AMT: variants seen among roughly 807,000 people sequenced by gnomAD.
The protein encoded by AMT is aminomethyltransferase, mitochondrial.
AMT carries 24 observed loss-of-function variants against 39.5 expected under a neutral mutation model. The observed-to-expected ratio is 0.61, with a 90% CI of 0.44 to 0.86. AMT has a LOEUF of 0.86. Ranked by LOEUF, AMT falls within the 40% of genes least tolerant of loss-of-function variation. The pLI is 0.00. For synonymous variants in AMT, 210 were observed against 212.1 expected, an observed-to-expected ratio of 0.99 and a Z score of 0.09; for missense variants, 501 against 537.0, an observed-to-expected ratio of 0.93 and a Z score of 0.66.
Position 49,417,107 on chromosome 3 carries a change from G to T in AMT, c.*433C>A, listed in dbSNP as rs772136541. 2 of 731,920 alleles carry T rather than the reference G, an allele frequency of 2.7e-6. No individual in the cohort carries two copies. Among genetic ancestry groups the T allele is most frequent in the Non-Finnish European group, 4.8e-6 (2 of 417,418 alleles). 45.3% of individuals were successfully genotyped at this position (731,920 alleles called of 1,614,324 possible). On this transcript the variant is annotated 3_prime_UTR_variant, in exon 9 of 9. Coordinates refer to ENST00000273588, the MANE Select transcript of AMT (RefSeq NM_000481.4). Reference sequence around the variant, plus strand: ...TTGCATTTACGGAAAGCAAACTGGAGGGGGTAGCCTAAGTCCGCACTGCCC... The same window carrying T: ...TTGCATTTACGGAAAGCAAACTGGATGGGGTAGCCTAAGTCCGCACTGCCC...
At chr3:49,418,849 G>T in intron 7 of AMT, 122 bp downstream of exon 7, 1 of 1,095,508 alleles carries the variant, frequency 9.1e-7, no homozygotes, top group East Asian at 2.5e-5. Context: ...GGCACCTTCA[G>T]GGAAGGGAGG....
intron 3 of AMT, 145 bp from the exon 4 acceptor site, chr3:49,420,487 G>T (rs1191937106): frequency 1.6e-6 from 2 of 1,243,136 alleles, no homozygotes; most frequent in Non-Finnish European, 1.2e-6. Flanking sequence ...TACAAGTCTG[G>T]GCCCAAGTCC....
Position 49,419,344 on chromosome 3 carries a change from G to A in AMT, c.612C>T (p.Phe204=), listed in dbSNP as rs973966471. The A allele has an allele frequency of 1.9e-6, 3 of 1,614,102 alleles. No individual in the cohort carries two copies. In the African/African-American group the frequency reaches 4.0e-5, roughly 22 times the overall value. Residue 204 remains phenylalanine, a synonymous_variant, in exon 6 of 9, where the codon TTC becomes TTT. Transcript: ENST00000273588. The part of the protein sequence containing the change: ...GVADDLRKLP[F]MTSAVMEVFG... ...ACACCTCCATCACAGCACTGGTCAT[G>A]AAGGGCAGTTTCCTCAGGTCATCTG...
Position 49,420,297 on chromosome 3 carries a change from C to A in AMT, c.385G>T (p.Asp129Tyr). ...TCAGAAGTATTGGTTACAATCAAGT[C>A]ATCTAAGATGCCTCCAGCCTCGTTG... ...FTNEAGGILD[D>Y]LIVTNTSEGH... Residue 129 changes from aspartate (D) to tyrosine (Y), a missense_variant, in exon 4 of 9, where the codon GAC becomes TAC. Asp to Tyr is a radical substitution (Grantham distance 160). Coordinates refer to ENST00000273588, the MANE Select transcript of AMT (RefSeq NM_000481.4). 3 of 1,614,202 alleles carry A rather than the reference C, an allele frequency of 1.9e-6. No individual in the cohort carries two copies. Among genetic ancestry groups the A allele is most frequent in the Non-Finnish European group, 2.5e-6 (3 of 1,180,034 alleles).
At chr3:49,418,104 T>A (rs2049031009) in intron 7 of AMT, 131 bp from the exon 8 acceptor site, 2 of 1,231,448 alleles carry the variant, frequency 1.6e-6, no homozygotes, top group African/African-American at 3.0e-5. Context: ...CAGGCTCTAT[T>A]CCTCCCTTCA....
At chr3:49,417,783 A>G (rs2049024258) in intron 8 of AMT, 35 bp downstream of exon 8, 2 of 1,613,894 alleles carry the variant, frequency 1.2e-6, no homozygotes, top group South Asian at 1.1e-5. Flanking sequence ...TCCTGGGAAG[A>G]GACAAGGGTT....
At chr3:49,421,065 C>T (rs1275332964) in intron 3 of AMT, 5 of 274,416 alleles carry the variant, frequency 1.8e-5, no homozygotes, top group Non-Finnish European at 2.9e-5. Flanking sequence ...CCACCACGCC[C>T]GGCTAATTTT....
chr3:49,421,861 C>T (rs994901642), intron 2 of AMT: 5 of 715,718 alleles, frequency 7.0e-6, no homozygotes, highest in African/African-American at 3.5e-5. Context: ...GGTGTCAGCC[C>T]TGGAAAACCC....
chr3:49,419,907 A>G, intron 4 of AMT, 119 bp from the exon 5 acceptor site: 2 of 1,028,368 alleles, frequency 1.9e-6, no homozygotes, highest in Non-Finnish European at 1.5e-6. Flanking sequence ...GGGAGGAAAA[A>G]AAAAGGTAGT....
At position 49,420,314 on chromosome 3, in the gene AMT, G is replaced by A; in HGVS notation, c.368C>T (p.Ala123Val). 1 of 1,614,160 alleles carries A rather than the reference G, an allele frequency of 6.2e-7. No individual in the cohort carries two copies. Among genetic ancestry groups the A allele is most frequent in the South Asian group, 1.1e-5 (1 of 91,088 alleles). Residue 123 changes from alanine to valine, a missense_variant, in exon 4 of 9, where the codon GCT (alanine) becomes GTT (valine). Physicochemically the swap from Ala to Val is moderately conservative, Grantham distance 64. Coordinates refer to ENST00000273588, the MANE Select transcript of AMT (RefSeq NM_000481.4). ...AATCAAGTCATCTAAGATGCCTCCA[G>A]CCTCGTTGGTAAACAGCGACAGTGT... ...QGTLSLFTNEAGGILDDLIVT... is the reference protein window; with the variant it reads ...QGTLSLFTNEVGGILDDLIVT...
At position 49,422,455 on chromosome 3, in the gene AMT, G is replaced by A. The variant is rs758088553; in HGVS notation, c.-5C>T. Reference sequence around the variant, plus strand: ...CACACTTACAGCCCTCTGCATCGTCGCCTGCAACGAGTGCAGACGGCGCAC... The same window carrying A: ...CACACTTACAGCCCTCTGCATCGTCACCTGCAACGAGTGCAGACGGCGCAC... On this transcript the variant is annotated 5_prime_UTR_variant, in exon 1 of 9. Transcript: ENST00000273588. 13 of 1,612,412 alleles carry A rather than the reference G, an allele frequency of 8.1e-6. No homozygotes were observed. In the East Asian group the frequency reaches 1.6e-4, roughly 19 times the overall value.
Position 49,422,285 on chromosome 3 carries a change from G to A in AMT, c.91-14C>T, listed in dbSNP as rs754874614. ...GCGGAGCACCTCCTGTGGGCGGCTGGGCTTAGTGCCACCAGGGCCCTAGCC... is the reference window on the plus strand; with the variant it reads ...GCGGAGCACCTCCTGTGGGCGGCTGAGCTTAGTGCCACCAGGGCCCTAGCC... On this transcript the variant is annotated splice_polypyrimidine_tract_variant and intron_variant, in intron 1 of 8. Coordinates refer to ENST00000273588, the MANE Select transcript of AMT (RefSeq NM_000481.4). The A allele has an allele frequency of 4.3e-6, 7 of 1,613,820 alleles. No homozygotes were observed. Among genetic ancestry groups the A allele is most frequent in the South Asian group, 2.2e-5 (2 of 91,074 alleles).
Position 49,418,995 on chromosome 3 carries a change from C to A in AMT, c.853G>T (p.Glu285Ter). The A allele has an allele frequency of 6.2e-7, 1 of 1,614,024 alleles. No homozygotes were observed. The highest frequency in any genetic ancestry group is 8.5e-7 in the Non-Finnish European group (1 of 1,180,020). Residue 285 changes from glutamate to a stop codon, truncating the protein, a stop_gained, in exon 7 of 9, where the codon GAG becomes TAG. Transcript: ENST00000273588. LOFTEE classifies it high-confidence loss of function. ...CCCAGTGTCCAACTGAGGCTGCCCT[C>A]CACAGGTGTAGTGTGTTCATCAATG... ...NDIDEHTTPVEGSLSWTLGKR... is the reference protein window; with the variant it reads ...NDIDEHTTPV
At position 49,420,030 on chromosome 3, in the gene AMT, A is replaced by G. The variant is rs76142468; in HGVS notation, c.471+181T>C. ...CAAGACCCCCTCCCCATGCCTGGTA[A>G]TCCCCCACCACCAAACCCTGGCGTG... On this transcript the variant is annotated intron_variant, in intron 4 of 8. Coordinates refer to ENST00000273588, the MANE Select transcript of AMT (RefSeq NM_000481.4). The G allele has an allele frequency of 3.0e-3, 2,673 of 889,558 alleles. 56 individuals carry two copies. The African/African-American group carries it at 0.041, about 14-fold the overall frequency. 55.1% of individuals were successfully genotyped at this position (889,558 alleles called of 1,614,324 possible). A position where few individuals can be genotyped will look rare whatever the true frequency, so the allele number is the denominator to read the frequency against.
intron 2 of AMT, chr3:49,421,857 A>G: frequency 2.8e-6 from 2 of 706,484 alleles, no homozygotes; most frequent in South Asian, 3.1e-5. Context: ...AGTGGGTGTC[A>G]GCCCTGGAAA....
chr3:49,421,940 AT>A, intron 2 of AMT, 163 bp downstream of exon 2: 3 of 967,576 alleles, frequency 3.1e-6, no homozygotes, highest in Non-Finnish European at 4.8e-6. Context: ...CTCTGAGCTC[AT>A]TTCCTTGGGG....
chr3:49,417,634 C>T lies in AMT; in HGVS notation c.1118G>A (p.Gly373Glu). 6 of 1,614,172 alleles carry T rather than the reference C, an allele frequency of 3.7e-6. No homozygotes were observed. The highest frequency in any genetic ancestry group is 5.1e-6 in the Non-Finnish European group (6 of 1,180,032). Residue 373 changes from glycine (G) to glutamate (E), a missense_variant, in exon 9 of 9, where the codon GGG (glycine) becomes GAG (glutamate). Physicochemically the swap from Gly to Glu is moderately conservative, Grantham distance 98 (BLOSUM62 -2). Transcript: ENST00000273588. ...GYVPCEYSRP[G>E]TMLLVEVRRK... Reference sequence around the variant, plus strand: ...CCGCACCTCTACCAGCAGCATTGTCCCTGGACGACTGTACTCGCAGGGCAC... The same window carrying T: ...CCGCACCTCTACCAGCAGCATTGTCTCTGGACGACTGTACTCGCAGGGCAC...
chr3:49,419,940 G>T, intron 4 of AMT, 152 bp from the exon 5 acceptor site: 1 of 851,610 alleles, frequency 1.2e-6, no homozygotes, highest in Non-Finnish European at 2.0e-6. Flanking sequence ...ATCTTACAAG[G>T]TCACATAGCT....
intron 4 of AMT, 160 bp from the exon 5 acceptor site, chr3:49,419,948 GCTA>G: frequency 2.4e-6 from 2 of 826,738 alleles, no homozygotes; most frequent in Non-Finnish European, 4.1e-6. Context: ...AGGTCACATA[GCTA>G]CTAAGTGATA....
Sources: allele counts gnomAD v4.1 joint callset, GRCh38; gene constraint gnomAD v4.1.1; transcripts MANE v1.5; gene names NCBI Gene and HGNC (gene_info 2026-07-23, HGNC 2026-07-21).